Variants in KCNG3 observed in about 807,000 individuals in gnomAD.
KCNG3 encodes voltage-gated potassium channel regulatory subunit KCNG3.
KCNG3 carries 15 observed loss-of-function variants against 29.0 expected under a neutral mutation model. That is an observed-to-expected ratio of 0.52 (90% CI 0.35 to 0.80). The LOEUF is 0.80. Among genes scored for constraint, KCNG3 ranks in the 30% least tolerant of loss-of-function variants. The pLI, the probability that KCNG3 is intolerant of heterozygous loss-of-function variation, is 0.01. For missense variants in KCNG3, 512 were observed against 605.7 expected (o/e 0.85, Z 1.62); for synonymous variants, 322 against 248.9 (o/e 1.29, Z -2.76).
intron 1 of KCNG3, among the ~76,000 whole-genome samples, chr2:42,470,446 G>A (rs762335276): frequency 6.6e-6 from 1 of 152,150 alleles, no homozygotes; most frequent in African/African-American, 2.4e-5. Flanking sequence ...CGTACAGGAG[G>A]AATGCAGGAG....
chr2:42,419,637 G>A, the KCNG3 span, among the ~76,000 whole-genome samples: 2 of 152,218 alleles, frequency 1.3e-5, no homozygotes, highest in South Asian at 4.2e-4. Context: ...AACCAGAACT[G>A]GAAAGCCCAA....
chr2:42,426,533 T>C, the KCNG3 span, among the ~76,000 whole-genome samples: 1 of 152,194 alleles, frequency 6.6e-6, no homozygotes, highest in African/African-American at 2.4e-5. Flanking sequence ...ACACACACAA[T>C]TGAATACTCT....
At chr2:42,452,220 A>AATATATATAT (rs869226338) in intron 1 of KCNG3, among the ~76,000 whole-genome samples, 47 of 104,654 alleles carry the variant, frequency 4.5e-4, no homozygotes, top group Non-Finnish European at 7.1e-4. Flanking sequence ...TGGGGTGGTA[A>AATATATATAT]ATATATATAT....
the KCNG3 span, among the ~76,000 whole-genome samples, chr2:42,426,877 C>A: frequency 6.6e-6 from 1 of 152,162 alleles, no homozygotes. Flanking sequence ...CACACACATA[C>A]ATAGCAATTT....
the KCNG3 span, among the ~76,000 whole-genome samples, chr2:42,401,191 C>CA: frequency 1.3e-5 from 2 of 148,388 alleles, no homozygotes; most frequent in Admixed American, 6.7e-5. Context: ...TATGTATACA[C>CA]ACACAGAAAA....
At chr2:42,392,544 AAGCC>A in the KCNG3 span, among the ~76,000 whole-genome samples, 2 of 152,142 alleles carry the variant, frequency 1.3e-5, no homozygotes, top group African/African-American at 4.8e-5. Context: ...GCAGCATAGA[AAGCC>A]AATCACTGAG....
intron 1 of KCNG3, among the ~76,000 whole-genome samples, chr2:42,479,456 G>A (rs1673524842): frequency 6.6e-6 from 1 of 150,582 alleles, no homozygotes; most frequent in South Asian, 2.1e-4. Flanking sequence ...CCAGTTCTGG[G>A]CAACTGAGCA....
At chr2:42,446,399 A>C (rs1225184211) in intron 1 of KCNG3, among the ~76,000 whole-genome samples, 1 of 151,974 alleles carries the variant, frequency 6.6e-6, no homozygotes. Context: ...GGCTGGTCTC[A>C]GACTTCTGAC....
At chr2:42,458,444 T>C (rs1672931510) in intron 1 of KCNG3, among the ~76,000 whole-genome samples, 1 of 151,782 alleles carries the variant, frequency 6.6e-6, no homozygotes, top group African/African-American at 2.4e-5. Context: ...CTCTCTTTAT[T>C]GGGAAACAGG....
downstream of KCNG3, among the ~76,000 whole-genome samples, chr2:42,441,697 G>T (rs544875861): frequency 4.9e-3 from 53 of 10,722 alleles, no homozygotes; most frequent in Middle Eastern, 0.062. Context: ...ATTTGCACAT[G>T]TACATTATAT....
the KCNG3 span, among the ~76,000 whole-genome samples, chr2:42,424,248 C>T: frequency 1.0e-3 from 152 of 152,248 alleles, no homozygotes; most frequent in African/African-American, 3.2e-3. Context: ...TCCAAACATT[C>T]GTCAGAACCT....
chr2:42,461,734 C>T (rs1033676339), intron 1 of KCNG3, among the ~76,000 whole-genome samples: 20 of 152,172 alleles, frequency 1.3e-4, no homozygotes, highest in Admixed American at 6.5e-4. Flanking sequence ...TAATCTGTTC[C>T]TATTCCATAC....
chr2:42,493,614 C>CCGCGCTCCCTCGGGGCT lies in KCNG3; in HGVS notation c.-130_-114dup. 1.0e-6 allele frequency: 1 copy of CCGCGCTCCCTCGGGGCT among 963,436 alleles called. No homozygotes were observed. Among genetic ancestry groups the CCGCGCTCCCTCGGGGCT allele is most frequent in the South Asian group, 5.1e-5 (1 of 19,548 alleles). 59.7% of individuals were successfully genotyped at this position (963,436 alleles called of 1,614,324 possible). A position where few individuals can be genotyped will look rare whatever the true frequency, so the allele number is the denominator to read the frequency against. On this transcript the variant is annotated 5_prime_UTR_variant, in exon 1 of 2. Transcript: ENST00000306078. ...TGACGGGGGAGCGCGCCGTCGGGGC[C>CCGCGCTCCCTCGGGGCT]CGCGCTCCCTCGGGGCTCCGCTCCT...
the KCNG3 span, chr2:42,388,519 G>A: frequency 1.3e-5 from 2 of 152,230 alleles, no homozygotes; most frequent in African/African-American, 2.4e-5. Context: ...TGTTCTCACA[G>A]TTGAGTTCTG....
the KCNG3 span, among the ~76,000 whole-genome samples, chr2:42,412,497 G>C: frequency 6.6e-6 from 1 of 152,120 alleles, no homozygotes; most frequent in African/African-American, 2.4e-5. Flanking sequence ...TTTTTAGATA[G>C]TGTGTTAAAA....
chr2:42,493,303 A>T lies in KCNG3; in HGVS notation c.199T>A (p.Ser67Thr). 1 of 1,611,180 alleles carries T rather than the reference A, an allele frequency of 6.2e-7. No homozygotes were observed. Among genetic ancestry groups the T allele is most frequent in the Non-Finnish European group, 8.5e-7 (1 of 1,179,242 alleles). ...ERNEYFFDRHSEAFGFILLYV... is the reference protein window; with the variant it reads ...ERNEYFFDRHTEAFGFILLYV... ...AGCAGGATGAAGCCGAAGGCCTCCG[A>T]GTGCCGGTCGAAGAAGTACTCGTTG... Residue 67 changes from serine to threonine, a missense_variant, in exon 1 of 2, where the codon TCG becomes ACG. Physicochemically the swap from Ser to Thr is moderately conservative, Grantham distance 58. Transcript: ENST00000306078.
At chr2:42,477,283 A>C (rs13022188) in intron 1 of KCNG3, among the ~76,000 whole-genome samples, 129,454 of 150,880 alleles carry the variant, frequency 0.86, 55,530 homozygotes, top group Middle Eastern at 0.95. Context: ...AGTTACTCTT[A>C]TGCTTAAAGG....
intron 1 of KCNG3, among the ~76,000 whole-genome samples, chr2:42,470,950 G>A (rs777513354): frequency 1.3e-5 from 2 of 152,020 alleles, no homozygotes; most frequent in Non-Finnish European, 2.9e-5. Flanking sequence ...CTTGAGGATC[G>A]AGACCAGCCT....
At chr2:42,430,377 A>T in the KCNG3 span, among the ~76,000 whole-genome samples, 1 of 145,718 alleles carries the variant, frequency 6.9e-6, no homozygotes, top group Non-Finnish European at 1.5e-5. Flanking sequence ...TAAATAAATA[A>T]ATAAATAAAT....
Sources: allele counts gnomAD v4.1 joint callset (sites outside exome capture counted in the v4.1 genomes callset), GRCh38; gene constraint gnomAD v4.1.1; transcripts MANE v1.5; gene names NCBI Gene and HGNC (gene_info 2026-07-23, HGNC 2026-07-21).